Variants in DLC1 observed in about 807,000 individuals in gnomAD.
The protein encoded by DLC1 is DLC1 Rho GTPase activating protein.
DLC1 carries 54 observed loss-of-function variants against 140.3 expected under a neutral mutation model. The ratio of observed to expected loss-of-function variants is 0.38; its 90% CI spans 0.31 to 0.48. The LOEUF (loss-of-function observed/expected upper bound fraction) is 0.48. Ranked by LOEUF, DLC1 falls within the 20% of genes least tolerant of loss-of-function variation. The probability of loss-of-function intolerance (pLI) is 0.96; values close to 1 mark genes in which losing one functional copy is unlikely to be tolerated. For synonymous variants in DLC1, 986 were observed against 728.1 expected, an observed-to-expected ratio of 1.35 and a Z score of -5.70; for missense variants, 2,536 against 1,907.0, an observed-to-expected ratio of 1.33 and a Z score of -6.14.
chr8:13,276,131 A>T, intron 5 of DLC1: 1 of 1,317,022 alleles, frequency 7.6e-7, no homozygotes. Flanking sequence ...ACACACTGCC[A>T]TGACAAGAAT....
intron 5 of DLC1, among the ~76,000 whole-genome samples, chr8:13,139,132 A>G (rs939498859): frequency 7.2e-5 from 11 of 151,768 alleles, no homozygotes; most frequent in African/African-American, 2.7e-4. Context: ...AACATTAAAA[A>G]TAAAAAAACA....
chr8:13,283,467 A>T (rs1368549292), intron 5 of DLC1, among the ~76,000 whole-genome samples: 5 of 152,222 alleles, frequency 3.3e-5, no homozygotes, highest in Admixed American at 3.3e-4. Flanking sequence ...TTTTGGGGCC[A>T]CAGAATAGAG....
At chr8:13,277,471 G>A (rs1831218334) in intron 5 of DLC1, among the ~76,000 whole-genome samples, 1 of 152,142 alleles carries the variant, frequency 6.6e-6, no homozygotes, top group Non-Finnish European at 1.5e-5. Context: ...CTGATTTTAT[G>A]AATCTTCTAG....
rs1294618504 is a variant in DLC1, at chr8:13,579,408, T to C, written c.-126+25129A>G. Among the ~76,000 whole-genome samples the C allele has an allele frequency of 2.8e-4, 19 of 67,078 alleles. 2 individuals are homozygous for C. The highest frequency in any genetic ancestry group is 9.5e-4 in the African/African-American group (17 of 17,940). 44.0% of individuals were successfully genotyped at this position (67,078 alleles called of 152,430 possible). On this transcript the variant is annotated intron_variant, in intron 1 of 1. Coordinates refer to the DLC1 transcript ENST00000631382. The stretch of plus-strand genomic sequence containing the variant: ...TATATTATATATTATATATTTAATA[T>C]ATTATATTTTATATTATATATTTAA...
chr8:13,262,374 T>C (rs1395711639), intron 5 of DLC1, among the ~76,000 whole-genome samples: 3 of 152,060 alleles, frequency 2.0e-5, no homozygotes, highest in Non-Finnish European at 4.4e-5. Context: ...CACGTGATCC[T>C]AAGGAAAACT....
rs34462909 is a variant in DLC1, at chr8:13,115,569, T to C, written c.1420+17A>G. ...TATGATTATGCCAACTTTTAAAAAG[T>C]GGCATTCCCAGCTTACCTTCATAAA... On this transcript the variant is annotated intron_variant, in intron 6 of 17. Transcript: ENST00000276297. 0.49 allele frequency: 787,999 copies of C among 1,605,602 alleles called. 197,086 individuals are homozygous for C. Among genetic ancestry groups the C allele is most frequent in the Middle Eastern group, 0.54 (3,263 of 6,030 alleles).
intron 5 of DLC1, among the ~76,000 whole-genome samples, chr8:13,194,539 T>G (rs527937786): frequency 2.6e-5 from 4 of 152,318 alleles, no homozygotes; most frequent in African/African-American, 9.6e-5. Context: ...CAAATGCTGT[T>G]TGGAAGCTGA....
chr8:13,359,714 G>A (rs1290291236), intron 4 of DLC1, among the ~76,000 whole-genome samples: 2 of 152,154 alleles, frequency 1.3e-5, no homozygotes, highest in African/African-American at 4.8e-5. Flanking sequence ...TTAATTGCTT[G>A]TTATATATAA....
At chr8:13,545,012 C>A (rs1338930733) in intron 1 of DLC1, among the ~76,000 whole-genome samples, 2 of 152,088 alleles carry the variant, frequency 1.3e-5, no homozygotes, top group African/African-American at 2.4e-5. Context: ...GCAGCCCTGT[C>A]CACAGGGGCT....
intron 2 of DLC1, among the ~76,000 whole-genome samples, chr8:13,404,017 A>G (rs1209311483): frequency 1.3e-5 from 2 of 152,008 alleles, no homozygotes; most frequent in Non-Finnish European, 2.9e-5. Context: ...TGACTAATGC[A>G]TGCTCTTTAT....
intron 2 of DLC1, among the ~76,000 whole-genome samples, chr8:13,439,725 C>T (rs1420940738): frequency 6.6e-6 from 1 of 152,124 alleles, no homozygotes; most frequent in Non-Finnish European, 1.5e-5. Context: ...GAGACTTCCA[C>T]AGAGAAGCAT....
At chr8:13,330,808 G>A (rs947063903) in intron 4 of DLC1, among the ~76,000 whole-genome samples, 1 of 152,136 alleles carries the variant, frequency 6.6e-6, no homozygotes, top group Non-Finnish European at 1.5e-5. Flanking sequence ...GACTCTCTGT[G>A]CCTCTACAAA....
intron 5 of DLC1, among the ~76,000 whole-genome samples, chr8:13,120,709 G>A (rs866129827): frequency 1.8e-4 from 27 of 152,160 alleles, no homozygotes; most frequent in Admixed American, 5.2e-4. Flanking sequence ...GGAGGAAACA[G>A]GAAATTTTTA....
At chr8:13,561,069 A>G (rs1804225877) in intron 1 of DLC1, among the ~76,000 whole-genome samples, 1 of 152,180 alleles carries the variant, frequency 6.6e-6, no homozygotes, top group Admixed American at 6.5e-5. Context: ...CAGCTACACG[A>G]AAGTCAATTT....
intron 2 of DLC1, among the ~76,000 whole-genome samples, chr8:13,439,049 G>C (rs1021175868): frequency 1.3e-5 from 2 of 152,064 alleles, no homozygotes; most frequent in Admixed American, 1.3e-4. Flanking sequence ...GGCAGAGGCC[G>C]AGCACAGTGG....
At chr8:13,128,800 A>AGT (rs1563654019) in intron 5 of DLC1, among the ~76,000 whole-genome samples, 4 of 151,200 alleles carry the variant, frequency 2.6e-5, no homozygotes, top group African/African-American at 9.7e-5. Context: ...GCGCCACTGC[A>AGT]CTCCAGCCTG....
chr8:13,116,661 T>A lies in DLC1; in HGVS notation c.1349-1004A>T, dbSNP rs567737990. 3.9e-5 allele frequency among the ~76,000 whole-genome samples: 6 copies of A among 152,328 alleles called. No individual in the cohort carries two copies. In the South Asian group the frequency reaches 1.2e-3, roughly 32 times the overall value. Reference sequence around the variant, plus strand: ...ATCTTATTTTTGTCTAGTAACTTTATGTTTTCAAAGCACTTTTTCACCTAT... The same window carrying A: ...ATCTTATTTTTGTCTAGTAACTTTAAGTTTTCAAAGCACTTTTTCACCTAT... On this transcript the variant is annotated intron_variant, in intron 5 of 17. Coordinates refer to ENST00000276297, the MANE Select transcript of DLC1 (RefSeq NM_182643.3).
Position 13,119,623 on chromosome 8 carries a change from A to T in DLC1, c.1349-3966T>A, listed in dbSNP as rs1365277288. 3.3e-5 allele frequency among the ~76,000 whole-genome samples: 5 copies of T among 152,264 alleles called. No homozygotes were observed. The East Asian group carries it at 7.7e-4, about 24-fold the overall frequency. ...ATATCTCTGAGATAAACACATGAGG[A>T]AACAGATAGAGAAGTAACCACCTCT... On this transcript the variant is annotated intron_variant, in intron 5 of 17. Coordinates refer to ENST00000276297, the MANE Select transcript of DLC1 (RefSeq NM_182643.3).
Position 13,539,181 on chromosome 8 carries a change from ATGTG to A in DLC1, c.-125-38989_-125-38986del, listed in dbSNP as rs765176482. ...TTCAGTAGATCTGCAAATTGTATGT[ATGTG>A]TGTATGTATGTATGTATGTATGTAT... On this transcript the variant is annotated intron_variant, in intron 1 of 1. Coordinates refer to the DLC1 transcript ENST00000631382. Among the ~76,000 whole-genome samples the A allele has an allele frequency of 1.6e-4, 20 of 125,260 alleles. No homozygotes were observed. The South Asian group carries it at 2.4e-3, about 15-fold the overall frequency. The allele number at this position is 125,260 out of a possible 152,430, so 82.2% of individuals were successfully genotyped here. A position where few individuals can be genotyped will look rare whatever the true frequency, so the allele number is the denominator to read the frequency against.
Sources: gnomAD v4.1 joint callset for allele counts (sites outside exome capture counted in the v4.1 genomes callset) on GRCh38, gnomAD v4.1.1 for gene constraint, MANE v1.5 for transcripts, NCBI Gene and HGNC (gene_info 2026-07-23, HGNC 2026-07-21) for gene names.